The following GATD1 variants were observed in gnomAD, a reference collection of about 807,000 sequenced individuals.
GATD1 encodes the protein glutamine amidotransferase class 1 domain containing 1.
Under a neutral mutation model 25.9 loss-of-function variants are expected in GATD1, and 23 were observed. That is an observed-to-expected ratio of 0.89 (90% CI 0.64 to 1.26). The LOEUF is 1.26. Ranked by LOEUF, GATD1 falls within the 50% of genes most tolerant of loss-of-function variation. The pLI, the probability that GATD1 is intolerant of heterozygous loss-of-function variation, is 0.00. For synonymous variants in GATD1, 177 were observed against 134.6 expected, an observed-to-expected ratio of 1.31 and a Z score of -2.18; for missense variants, 347 against 312.5, an observed-to-expected ratio of 1.11 and a Z score of -0.83.
At position 771,387 on chromosome 11, in the gene GATD1, G is replaced by C. The variant is rs376824470; in HGVS notation, c.490C>G (p.Arg164Gly). The C allele has an allele frequency of 6.4e-7, 1 of 1,571,332 alleles. No homozygotes were observed. Among genetic ancestry groups the C allele is most frequent in the African/African-American group, 1.4e-5 (1 of 73,696 alleles). ...AAGTCCTCCACCACGAGCGGCAGGCGGGCGAAGCCGGGGGCCCTGACGAGC... is the reference window on the plus strand; with the variant it reads ...AAGTCCTCCACCACGAGCGGCAGGCCGGCGAAGCCGGGGGCCCTGACGAGC... ...CELVRAPGFA[R>G]LPLVVEDFVK... is the part of the protein sequence containing the mutation. Residue 164 changes from arginine to glycine, a missense_variant, in exon 6 of 8, where the codon CGC becomes GGC. Physicochemically the swap from Arg to Gly is moderately radical, Grantham distance 125. Coordinates refer to ENST00000319863, the MANE Select transcript of GATD1 (RefSeq NM_182612.4).
In GATD1 at chr11:767,680, T is replaced by A; in HGVS notation, c.*3217A>T. On this transcript the variant is annotated 3_prime_UTR_variant, in exon 8 of 8. Transcript: ENST00000319863. ...GTCCTCACCTGCAAGGGGATGGTAT[T>A]AGGTGGGGCATTTGGGAGGTCATCC... 2 of 1,148,714 alleles carry A rather than the reference T, an allele frequency of 1.7e-6. No individual in the cohort carries two copies. The highest frequency in any genetic ancestry group is 2.2e-6 in the Non-Finnish European group (2 of 924,816). The allele number at this position is 1,148,714 out of a possible 1,614,324, so 71.2% of individuals were successfully genotyped here.
chr11:773,212 C>G, intron 4 of GATD1: 1 of 361,744 alleles, frequency 2.8e-6, no homozygotes, highest in South Asian at 2.8e-5. Context: ...AGCCCCAAGC[C>G]CAGCCCTGGA....
In GATD1 at chr11:769,828, G is replaced by A. The variant is rs1863278071; in HGVS notation, c.*1069C>T. On this transcript the variant is annotated 3_prime_UTR_variant, in exon 8 of 8. Coordinates refer to ENST00000319863, the MANE Select transcript of GATD1 (RefSeq NM_182612.4). ...AGATGGGGTTTCACCATGTTAGCCA[G>A]GATGGTCTCGATCTCCTGACCTCGT... 2.9e-6 allele frequency: 2 copies of A among 697,452 alleles called. No homozygotes were observed. Among genetic ancestry groups the A allele is most frequent in the Non-Finnish European group, 3.5e-6 (2 of 567,410 alleles). 43.2% of individuals were successfully genotyped at this position (697,452 alleles called of 1,614,324 possible). A position where few individuals can be genotyped will look rare whatever the true frequency, so the allele number is the denominator to read the frequency against.
Position 770,566 on chromosome 11 carries a change from T to C in GATD1, c.*331A>G. 1 of 1,411,096 alleles carries C rather than the reference T, an allele frequency of 7.1e-7. No homozygotes were observed. The highest frequency in any genetic ancestry group is 9.2e-7 in the Non-Finnish European group (1 of 1,085,310). 87.4% of individuals were successfully genotyped at this position (1,411,096 alleles called of 1,614,324 possible). A position where few individuals can be genotyped will look rare whatever the true frequency, so the allele number is the denominator to read the frequency against. On this transcript the variant is annotated 3_prime_UTR_variant, in exon 8 of 8. Transcript: ENST00000319863. Reference sequence around the variant, plus strand: ...CGAGCCGACTCTGTCTAGTCAACAGTGACCACACGTGACAACCAGTCCTCC... The same window carrying C: ...CGAGCCGACTCTGTCTAGTCAACAGCGACCACACGTGACAACCAGTCCTCC...
chr11:775,235 C>T (rs1863846553), intron 1 of GATD1, 93 bp from the exon 2 acceptor site: 2 of 1,033,658 alleles, frequency 1.9e-6, no homozygotes, highest in African/African-American at 1.6e-5. Flanking sequence ...CGACTGACCC[C>T]AGAACACGCT....
Position 767,492 on chromosome 11 carries a change from C to T in GATD1, c.*3405G>A. The T allele has an allele frequency of 2.1e-6, 3 of 1,434,130 alleles. No individual in the cohort carries two copies. Among genetic ancestry groups the T allele is most frequent in the Admixed American group, 5.9e-5 (2 of 33,994 alleles). 88.8% of individuals were successfully genotyped at this position (1,434,130 alleles called of 1,614,324 possible). A position where few individuals can be genotyped will look rare whatever the true frequency, so the allele number is the denominator to read the frequency against. On this transcript the variant is annotated 3_prime_UTR_variant, in exon 8 of 8. Transcript: ENST00000319863. Reference sequence around the variant, plus strand: ...CACGCGGAGACAGGTCTGTGGGGCCCCGCGTCAGAACCCACTTCACATCCC... The same window carrying T: ...CACGCGGAGACAGGTCTGTGGGGCCTCGCGTCAGAACCCACTTCACATCCC...
chr11:772,642 G>A (rs1200184648), intron 4 of GATD1, 121 bp from the exon 5 acceptor site: 11 of 876,722 alleles, frequency 1.3e-5, no homozygotes, highest in Non-Finnish European at 1.8e-5. Context: ...CCTCCTCCCA[G>A]GTTTCCCTGG....
At chr11:774,842 G>A (rs114431161) in intron 2 of GATD1, among the ~76,000 whole-genome samples, 2,676 of 152,054 alleles carry the variant, frequency 0.018, 74 homozygotes, top group African/African-American at 0.061. Context: ...AAAAAAAAAG[G>A]AAAAGAAAAG....
At chr11:773,260 G>T in intron 4 of GATD1, 1 of 450,754 alleles carries the variant, frequency 2.2e-6, no homozygotes, top group African/African-American at 2.1e-5. Flanking sequence ...CCGGTGTCCT[G>T]CCTTGCTCAG....
chr11:772,668 C>T, intron 4 of GATD1, 147 bp from the exon 5 acceptor site: 1 of 693,736 alleles, frequency 1.4e-6, no homozygotes, highest in Non-Finnish European at 2.5e-6. Flanking sequence ...GGACTCAGCA[C>T]CCGGGTGTCC....
At chr11:772,977 C>T (rs377307685) in intron 4 of GATD1, among the ~76,000 whole-genome samples, 3 of 152,248 alleles carry the variant, frequency 2.0e-5, no homozygotes, top group Non-Finnish European at 2.9e-5. Flanking sequence ...TGGCTCCATC[C>T]GAAAGGCTGA....
chr11:771,023 A>C lies in GATD1; in HGVS notation c.626T>G (p.Val209Gly). The change falls in exon 7 of 8, where the codon GTG becomes GGG. Residue 209 changes from valine (V) to glycine (G), a missense_variant. By Grantham distance (109) the Val-to-Gly change is moderately radical. Coordinates refer to ENST00000319863, the MANE Select transcript of GATD1 (RefSeq NM_182612.4). Reference protein sequence around the residue: ...GQNASSTVPAVQNLLFLCGSR... With the variant: ...GQNASSTVPAGQNLLFLCGSR... ...GCCACAGAGGAAGAGCAGGTTCTGCACGGCCGGGACAGTGGAGCTGGCATT... is the reference window on the plus strand; with the variant it reads ...GCCACAGAGGAAGAGCAGGTTCTGCCCGGCCGGGACAGTGGAGCTGGCATT... The C allele has an allele frequency of 1.2e-6, 2 of 1,613,228 alleles. No homozygotes were observed. The highest frequency in any genetic ancestry group is 1.7e-6 in the Non-Finnish European group (2 of 1,179,954).
chr11:769,309 G>A lies in GATD1; in HGVS notation c.*1588C>T. The stretch of plus-strand genomic sequence containing the variant: ...CACTTTTTTCCAAATTCTCCTTATT[G>A]AACGGCTTTATTTTATTATTTTTTA... On this transcript the variant is annotated 3_prime_UTR_variant, in exon 8 of 8. Transcript: ENST00000319863. The A allele has an allele frequency of 1.0e-6, 1 of 984,294 alleles. No individual in the cohort carries two copies. The highest frequency in any genetic ancestry group is 1.2e-6 in the Non-Finnish European group (1 of 829,184). 61.0% of individuals were successfully genotyped at this position (984,294 alleles called of 1,614,324 possible).
intron 1 of GATD1, 21 bp from the exon 2 acceptor site, chr11:775,163 T>C: frequency 1.3e-6 from 2 of 1,585,470 alleles, no homozygotes; most frequent in African/African-American, 1.3e-5. Flanking sequence ...TCCCAGTGAG[T>C]GTGGGCTCGA....
intron 4 of GATD1, 120 bp from the exon 5 acceptor site, chr11:772,641 A>T (rs953777869): frequency 1.1e-6 from 1 of 890,958 alleles, no homozygotes; most frequent in Middle Eastern, 2.8e-4. Context: ...CCCTCCTCCC[A>T]GGTTTCCCTG....
chr11:772,615 G>C (rs1308541291), intron 4 of GATD1, 94 bp from the exon 5 acceptor site: 3 of 1,186,428 alleles, frequency 2.5e-6, no homozygotes, highest in Non-Finnish European at 3.7e-6. Context: ...CCCCAGGCTT[G>C]TGCCGCCTGC....
chr11:771,502 C>T, intron 5 of GATD1, 76 bp from the exon 6 acceptor site: 1 of 1,457,170 alleles, frequency 6.9e-7, no homozygotes, highest in Non-Finnish European at 9.0e-7. Context: ...AAGGTCAAGT[C>T]AGGGCAGGGA....
At chr11:771,551 C>T in intron 5 of GATD1, 125 bp from the exon 6 acceptor site, 1 of 1,421,228 alleles carries the variant, frequency 7.0e-7, no homozygotes, top group Non-Finnish European at 9.2e-7. Flanking sequence ...TGTCACTGCT[C>T]ATAACAGGGA....
chr11:771,496 T>C, intron 5 of GATD1, 70 bp from the exon 6 acceptor site: 1 of 1,463,538 alleles, frequency 6.8e-7, no homozygotes, highest in East Asian at 2.4e-5. Context: ...GTCAGGAAGG[T>C]CAAGTCAGGG....
Sources: allele counts gnomAD v4.1 joint callset (sites outside exome capture counted in the v4.1 genomes callset), GRCh38; gene constraint gnomAD v4.1.1; transcripts MANE v1.5; gene names NCBI Gene and HGNC (gene_info 2026-07-23, HGNC 2026-07-21).